Variants in GFM2 observed in about 807,000 individuals in gnomAD.
The protein encoded by GFM2 is ribosome-releasing factor 2, mitochondrial.
Under a neutral mutation model 95.4 loss-of-function variants are expected in GFM2, and 72 were observed. The observed-to-expected ratio is 0.76, with a 90% CI of 0.62 to 0.92. The LOEUF (loss-of-function observed/expected upper bound fraction) is 0.92, where lower values mean the gene tolerates loss of function less well. GFM2 is among the 40% of genes least tolerant of loss of function. GFM2 has a pLI of 0.00. For synonymous variants in GFM2, 276 were observed against 317.5 expected, an observed-to-expected ratio of 0.87 and a Z score of 1.39; for missense variants, 825 against 924.1, an observed-to-expected ratio of 0.89 and a Z score of 1.39.
At position 74,726,008 on chromosome 5, in the gene GFM2, GA is replaced by G; in HGVS notation, c.1844del (p.Ile615ThrfsTer6). ...PVIEFEYAESINEGLLKVSQE... is the reference protein window; with the variant it reads ...PVIEFEYAESXNEGLLKVSQE... The stretch of plus-strand genomic sequence containing the variant: ...GGGAGACCTTCAAAAGGCCTTCATT[GA>G]TACTTTCAGCATACTCAAACTCAAT... On this transcript the variant is annotated frameshift_variant, in exon 18 of 21. Transcript: ENST00000296805. LOFTEE classifies it high-confidence loss of function. 5 of 1,596,698 alleles carry G rather than the reference GA, an allele frequency of 3.1e-6. No homozygotes were observed. The highest frequency in any genetic ancestry group is 4.2e-6 in the Non-Finnish European group (5 of 1,177,932).
In GFM2 at chr5:74,728,748, CTTTTTTTT is replaced by C. The variant is rs57180600; in HGVS notation, c.1726+1504_1726+1511del. ...AATATTCTTTTATGTGTGGGGGTTT[CTTTTTTTT>C]TTTTTTTTTTTTTTTTTTGAGATGG... On this transcript the variant is annotated intron_variant, in intron 17 of 20. Coordinates refer to ENST00000296805, the MANE Select transcript of GFM2 (RefSeq NM_032380.5). Among the ~76,000 whole-genome samples, 43 of 58,246 alleles carry C rather than the reference CTTTTTTTT, an allele frequency of 7.4e-4. 1 individual carries two copies. Among genetic ancestry groups the C allele is most frequent in the Middle Eastern group, 0.013 (1 of 76 alleles). 38.2% of individuals were successfully genotyped at this position (58,246 alleles called of 152,430 possible).
chr5:74,727,279 C>T (rs1750191964), intron 17 of GFM2, among the ~76,000 whole-genome samples: 1 of 152,058 alleles, frequency 6.6e-6, no homozygotes, highest in African/African-American at 2.4e-5. Flanking sequence ...GAGAGTATTA[C>T]CAATATTTAG....
At chr5:74,753,231 A>T (rs1743806608) in intron 5 of GFM2, among the ~76,000 whole-genome samples, 2 of 152,176 alleles carry the variant, frequency 1.3e-5, no homozygotes, top group South Asian at 4.1e-4. Context: ...CAACTTCTGG[A>T]AATGAAGGAC....
intron 5 of GFM2, among the ~76,000 whole-genome samples, chr5:74,754,287 A>G (rs950687703): frequency 1.4e-5 from 2 of 147,016 alleles, no homozygotes; most frequent in African/African-American, 5.2e-5. Flanking sequence ...CACAGGACCT[A>G]TAAAACAATA....
chr5:74,721,392 A>G lies in GFM2; in HGVS notation c.*263T>C. On this transcript the variant is annotated 3_prime_UTR_variant, in exon 21 of 21. Coordinates refer to ENST00000296805, the MANE Select transcript of GFM2 (RefSeq NM_032380.5). ...CAACTTTGTGATACCACTCTTCTGAAGGCTACTTATAGTAATAACTTCATA... is the reference window on the plus strand; with the variant it reads ...CAACTTTGTGATACCACTCTTCTGAGGGCTACTTATAGTAATAACTTCATA... 1 of 721,906 alleles carries G rather than the reference A, an allele frequency of 1.4e-6. No individual in the cohort carries two copies. Among genetic ancestry groups the G allele is most frequent in the Non-Finnish European group, 2.5e-6 (1 of 397,986 alleles). The allele number at this position is 721,906 out of a possible 1,614,324, so 44.7% of individuals were successfully genotyped here. A position where few individuals can be genotyped will look rare whatever the true frequency, so the allele number is the denominator to read the frequency against.
chr5:74,751,537 G>A (rs759449441), intron 5 of GFM2, 44 bp from the exon 6 acceptor site: 3 of 1,487,406 alleles, frequency 2.0e-6, no homozygotes, highest in Admixed American at 1.7e-5. Context: ...AATAGCAAGT[G>A]TATTTTATTC....
chr5:74,730,501 T>TAC (rs1264352356), intron 16 of GFM2, 103 bp from the exon 17 acceptor site: 5 of 747,336 alleles, frequency 6.7e-6, no homozygotes, highest in Admixed American at 7.6e-5. Context: ...TTTAATTAAT[T>TAC]ACAGTTTCCT....
At chr5:74,740,521 C>T (rs377159763) in intron 11 of GFM2, among the ~76,000 whole-genome samples, 2 of 152,024 alleles carry the variant, frequency 1.3e-5, no homozygotes, top group Non-Finnish European at 2.9e-5. Context: ...ACCATTTCTT[C>T]AAATAAATTA....
chr5:74,731,465 C>T (rs1206457591), intron 16 of GFM2, among the ~76,000 whole-genome samples: 1 of 152,094 alleles, frequency 6.6e-6, no homozygotes, highest in Non-Finnish European at 1.5e-5. Context: ...GGTGAGCTTC[C>T]CTGGTTGGCA....
chr5:74,758,656 C>T (rs1381215233), intron 5 of GFM2, among the ~76,000 whole-genome samples, 193 bp downstream of exon 5: 2 of 152,186 alleles, frequency 1.3e-5, no homozygotes, highest in Non-Finnish European at 2.9e-5. Context: ...GATAGTCTTA[C>T]AAGTCTGAAT....
At chr5:74,766,208 G>C (rs1447741444) in intron 1 of GFM2, among the ~76,000 whole-genome samples, 1 of 151,854 alleles carries the variant, frequency 6.6e-6, no homozygotes, top group African/African-American at 2.4e-5. Flanking sequence ...TGAGGCTGAG[G>C]TCGGAGGATC....
At chr5:74,744,891 T>C (rs1314813841) in intron 10 of GFM2, among the ~76,000 whole-genome samples, 1 of 152,192 alleles carries the variant, frequency 6.6e-6, no homozygotes, top group African/African-American at 2.4e-5. Context: ...TATACAAGAT[T>C]GAAATGAATA....
In GFM2 at chr5:74,728,748, C is replaced by CTTTTTT. The variant is rs57180600; in HGVS notation, c.1726+1506_1726+1511dup. On this transcript the variant is annotated intron_variant, in intron 17 of 20. Coordinates refer to ENST00000296805, the MANE Select transcript of GFM2 (RefSeq NM_032380.5). ...AATATTCTTTTATGTGTGGGGGTTT[C>CTTTTTT]TTTTTTTTTTTTTTTTTTTTTTTTT... Among the ~76,000 whole-genome samples, 59 of 58,242 alleles carry CTTTTTT rather than the reference C, an allele frequency of 1.0e-3. 8 individuals are homozygous for CTTTTTT. Among genetic ancestry groups the CTTTTTT allele is most frequent in the African/African-American group, 3.1e-3 (50 of 16,246 alleles). 38.2% of individuals were successfully genotyped at this position (58,242 alleles called of 152,430 possible).
At chr5:74,736,736 C>G (rs765042058) in intron 15 of GFM2, 60 bp downstream of exon 15, 2 of 1,601,508 alleles carry the variant, frequency 1.2e-6, no homozygotes, top group Admixed American at 3.4e-5. Flanking sequence ...GGGTATATTG[C>G]AACTATTTTA....
Position 74,737,069 on chromosome 5 carries a change from T to G in GFM2, c.1321-84A>C, listed in dbSNP as rs564718357. The G allele has an allele frequency of 6.2e-6, 8 of 1,292,908 alleles. No homozygotes were observed. In the East Asian group the frequency reaches 1.5e-4, roughly 24 times the overall value. The allele number at this position is 1,292,908 out of a possible 1,614,324, so 80.1% of individuals were successfully genotyped here. A position where few individuals can be genotyped will look rare whatever the true frequency, so the allele number is the denominator to read the frequency against. On this transcript the variant is annotated intron_variant, in intron 14 of 20. Coordinates refer to ENST00000296805, the MANE Select transcript of GFM2 (RefSeq NM_032380.5). ...ACCAAGAACCACAATATAAGAAAAC[T>G]TTTTTGTGGCCCTTTCTTTTCATCA... is the stretch of plus-strand genomic sequence containing the variant.
intron 8 of GFM2, among the ~76,000 whole-genome samples, chr5:74,746,608 A>G (rs550382992): frequency 3.3e-4 from 50 of 152,310 alleles, no homozygotes; most frequent in African/African-American, 1.1e-3. Context: ...GGCATTCTTC[A>G]CATCGTATGC....
At chr5:74,751,228 T>G in intron 6 of GFM2, 140 bp downstream of exon 6, 1 of 747,978 alleles carries the variant, frequency 1.3e-6, no homozygotes, top group East Asian at 2.6e-5. Flanking sequence ...ACTACTAAAC[T>G]GTACACTTAA....
chr5:74,741,469 G>T (rs755023698), intron 11 of GFM2, 60 bp downstream of exon 11: 2 of 790,354 alleles, frequency 2.5e-6, no homozygotes, highest in Admixed American at 4.8e-5. Context: ...CAAAGGCAGA[G>T]AAATCAAACT....
rs1750137838 is a variant in GFM2, at chr5:74,726,142, A to C, written c.1727-16T>G. On this transcript the variant is annotated splice_polypyrimidine_tract_variant and intron_variant, in intron 17 of 20. Coordinates refer to ENST00000296805, the MANE Select transcript of GFM2 (RefSeq NM_032380.5). ...TCTAAGGTATCTGTAAACAAATTGA[A>C]TATGGCACCTCAGAGATTAATTCTG... The C allele has an allele frequency of 6.4e-7, 1 of 1,571,536 alleles. No individual in the cohort carries two copies. The highest frequency in any genetic ancestry group is 1.2e-5 in the South Asian group (1 of 86,472).
Sources: allele counts gnomAD v4.1 joint callset (sites outside exome capture counted in the v4.1 genomes callset), GRCh38; gene constraint gnomAD v4.1.1; transcripts MANE v1.5; gene names NCBI Gene and HGNC (gene_info 2026-07-23, HGNC 2026-07-21).